The following CFAP20DC variants were observed in gnomAD, a reference collection of about 807,000 sequenced individuals.
CFAP20DC encodes the protein CFAP20 domain containing.
Under a neutral mutation model 101.7 loss-of-function variants are expected in CFAP20DC, and 84 were observed. The ratio of observed to expected loss-of-function variants is 0.83; its 90% confidence interval spans 0.69 to 0.99. The LOEUF (loss-of-function observed/expected upper bound fraction) is 0.99. CFAP20DC is among the 50% of genes least tolerant of loss of function. CFAP20DC has a pLI of 0.00. For missense variants in CFAP20DC, 1,007 were observed against 970.3 expected (o/e 1.04, Z -0.50); for synonymous variants, 359 against 351.2 (o/e 1.02, Z -0.25).
Position 58,913,496 on chromosome 3 carries a change from C to T in CFAP20DC, c.550+212G>A. The T allele has an allele frequency of 1.6e-6, 1 of 611,136 alleles. No individual in the cohort carries two copies. Among genetic ancestry groups the T allele is most frequent in the Admixed American group, 3.0e-5 (1 of 33,802 alleles). The allele number at this position is 611,136 out of a possible 1,614,324, so 37.9% of individuals were successfully genotyped here. On this transcript the variant is annotated intron_variant, in intron 6 of 16. Coordinates refer to ENST00000482387, the MANE Select transcript of CFAP20DC (RefSeq NM_001394063.1). This position sits in a 1 kb window ranked among gnomAD's most constrained non-coding sequence, Gnocchi z 4.4. ...CCATAAAGAAAAAAGAAAACAACCA[C>T]AAAAAGAAGATTAATACCTTTTTTG...
chr3:58,853,792 T>G (rs145533365), intron 12 of CFAP20DC, among the ~76,000 whole-genome samples: 9,481 of 152,222 alleles, frequency 0.062, 550 homozygotes, highest in African/African-American at 0.16. Flanking sequence ...CAACGCTTCA[T>G]GCTAAGAACT....
chr3:59,026,833 A>G (rs893182899), intron 4 of CFAP20DC, among the ~76,000 whole-genome samples: 4 of 152,232 alleles, frequency 2.6e-5, no homozygotes, highest in Non-Finnish European at 5.9e-5. Context: ...CAGTACGGAA[A>G]AAATAACATA....
chr3:58,775,656 T>C (rs1341452972), intron 15 of CFAP20DC, among the ~76,000 whole-genome samples: 1 of 152,092 alleles, frequency 6.6e-6, no homozygotes, highest in Non-Finnish European at 1.5e-5. Flanking sequence ...AATAAATACT[T>C]ATGAACTGTT....
At chr3:58,940,456 G>A (rs1301294331) in intron 4 of CFAP20DC, among the ~76,000 whole-genome samples, 2 of 152,188 alleles carry the variant, frequency 1.3e-5, no homozygotes, top group African/African-American at 4.8e-5. Context: ...TCTGTGAGTT[G>A]TATGACATAG....
intron 15 of CFAP20DC, among the ~76,000 whole-genome samples, chr3:58,785,674 C>T (rs1195381993): frequency 1.3e-5 from 2 of 152,110 alleles, no homozygotes; most frequent in African/African-American, 4.8e-5. Flanking sequence ...GGGGAAGTAA[C>T]TGCCTCCCTC....
downstream of CFAP20DC, among the ~76,000 whole-genome samples, chr3:58,741,759 A>T (rs1048381207): frequency 6.7e-6 from 1 of 148,510 alleles, no homozygotes; most frequent in Non-Finnish European, 1.5e-5. Flanking sequence ...GCCTCCCAAG[A>T]TTTTTTTTTT....
At position 59,046,209 on chromosome 3, in the gene CFAP20DC, A is replaced by G; in HGVS notation, c.205+20T>C. 1.4e-6 allele frequency: 2 copies of G among 1,471,884 alleles called. No homozygotes were observed. Among genetic ancestry groups the G allele is most frequent in the Non-Finnish European group, 1.8e-6 (2 of 1,091,498 alleles). The allele number at this position is 1,471,884 out of a possible 1,614,324, so 91.2% of individuals were successfully genotyped here. On this transcript the variant is annotated intron_variant, in intron 3 of 16. Transcript: ENST00000482387. ...TTTGAGTACAAAATGTTAAGTTTCA[A>G]TATTAAAAATATTACTTACGGCTTT... is the stretch of plus-strand genomic sequence containing the variant.
At chr3:58,784,062 G>A (rs1297991230) in intron 15 of CFAP20DC, among the ~76,000 whole-genome samples, 1 of 148,786 alleles carries the variant, frequency 6.7e-6, no homozygotes, top group East Asian at 2.1e-4. Flanking sequence ...TTTTTTTTAA[G>A]ACAGCGCCTT....
chr3:58,750,101 T>C (rs1417810974), intron 16 of CFAP20DC, among the ~76,000 whole-genome samples: 3 of 152,196 alleles, frequency 2.0e-5, no homozygotes, highest in African/African-American at 4.8e-5. Context: ...GTGGCATTCA[T>C]GCACTTGAGA....
chr3:58,970,146 T>C (rs10510800), intron 4 of CFAP20DC, among the ~76,000 whole-genome samples: 10,767 of 152,240 alleles, frequency 0.071, 1,246 homozygotes, highest in African/African-American at 0.24. Flanking sequence ...TCCATTACTA[T>C]GAAACACACT....
intron 6 of CFAP20DC, among the ~76,000 whole-genome samples, chr3:58,903,431 G>A (rs2083324149): frequency 6.6e-6 from 1 of 152,010 alleles, no homozygotes; most frequent in African/African-American, 2.4e-5. Context: ...AGCCCTTTTT[G>A]AAATCAAATG....
At chr3:58,843,682 G>C (rs933995301) in intron 13 of CFAP20DC, among the ~76,000 whole-genome samples, 40 of 150,724 alleles carry the variant, frequency 2.7e-4, no homozygotes, top group Middle Eastern at 3.4e-3. Context: ...GATACTCCTC[G>C]AGAAGAGCAA....
intron 14 of CFAP20DC, among the ~76,000 whole-genome samples, chr3:58,819,760 G>C (rs1035591425): frequency 3.4e-5 from 5 of 146,262 alleles, no homozygotes; most frequent in African/African-American, 1.0e-4. Context: ...CCAATCAATA[G>C]AAAAAGAGGG....
intron 7 of CFAP20DC, among the ~76,000 whole-genome samples, chr3:58,870,914 A>G (rs1184674845): frequency 1.7e-3 from 250 of 149,330 alleles, no homozygotes; most frequent in African/African-American, 6.0e-3. Flanking sequence ...AAAAAAAAAA[A>G]AAAAAAAAAA....
At chr3:58,970,656 A>G (rs1389711996) in intron 4 of CFAP20DC, 2 of 152,164 alleles carry the variant, frequency 1.3e-5, no homozygotes, top group Non-Finnish European at 2.9e-5. Context: ...CCACATCATC[A>G]GTCTTGAAGA....
intron 5 of CFAP20DC, among the ~76,000 whole-genome samples, chr3:58,927,194 T>C (rs2086082094): frequency 1.3e-5 from 2 of 152,224 alleles, no homozygotes; most frequent in African/African-American, 4.8e-5. Flanking sequence ...AATTTTTATT[T>C]GAAAGAAACA....
intron 5 of CFAP20DC, among the ~76,000 whole-genome samples, chr3:58,933,996 A>G (rs1339969976): frequency 6.6e-6 from 1 of 152,158 alleles, no homozygotes; most frequent in Non-Finnish European, 1.5e-5. Flanking sequence ...GGTTTTTTGA[A>G]AGGATCAACA....
intron 5 of CFAP20DC, among the ~76,000 whole-genome samples, chr3:58,935,856 G>T (rs1251324958): frequency 6.6e-6 from 1 of 152,156 alleles, no homozygotes; most frequent in Non-Finnish European, 1.5e-5. Context: ...TCAGGACATA[G>T]GCATGGGCAA....
intron 14 of CFAP20DC, among the ~76,000 whole-genome samples, chr3:58,814,702 A>T (rs2074972234): frequency 6.6e-6 from 1 of 150,810 alleles, no homozygotes; most frequent in Non-Finnish European, 1.5e-5. Context: ...AAGCATTCTG[A>T]TACACCAACA....
Sources: allele counts gnomAD v4.1 joint callset (sites outside exome capture counted in the v4.1 genomes callset), GRCh38; gene constraint gnomAD v4.1.1; non-coding constraint Gnocchi (gnomAD v3.1); transcripts MANE v1.5; gene names NCBI Gene and HGNC (gene_info 2026-07-23, HGNC 2026-07-21).